STARD13: variants seen among roughly 807,000 people sequenced by gnomAD.
STARD13 encodes the protein StAR related lipid transfer domain containing 13, also known as stAR-related lipid transfer protein 13.
A neutral mutation model predicts 106.4 loss-of-function variants in STARD13; 62 were observed. The observed-to-expected ratio is 0.58, with a 90% confidence interval of 0.48 to 0.72. STARD13 has a LOEUF of 0.72. Among genes scored for constraint, STARD13 ranks in the 30% least tolerant of loss-of-function variants. The pLI is 0.00. For missense variants in STARD13, 1,387 were observed against 1,424.0 expected, an observed-to-expected ratio of 0.97 and a Z score of 0.42; for synonymous variants, 565 against 553.0, an observed-to-expected ratio of 1.02 and a Z score of -0.31.
chr13:33,615,271 G>C, the STARD13 span, among the ~76,000 whole-genome samples: 1 of 152,122 alleles, frequency 6.6e-6, no homozygotes, highest in Non-Finnish European at 1.5e-5. Context: ...CCTAAGGCAA[G>C]GGTTGGGGAC....
At chr13:33,315,409 T>C (rs1893291139) in intron 1 of STARD13, among the ~76,000 whole-genome samples, 1 of 152,222 alleles carries the variant, frequency 6.6e-6, no homozygotes, top group Non-Finnish European at 1.5e-5. Context: ...CAGCTGTGAA[T>C]TTATTTGCAT....
chr13:33,139,898 A>T (rs1459630099), intron 4 of STARD13, among the ~76,000 whole-genome samples: 2 of 152,224 alleles, frequency 1.3e-5, no homozygotes, highest in African/African-American at 4.8e-5. Flanking sequence ...ATTGAGATTC[A>T]TAAGTAGGTG....
At chr13:33,127,868 T>A (rs1476825956) in intron 5 of STARD13, among the ~76,000 whole-genome samples, 1 of 101,906 alleles carries the variant, frequency 9.8e-6, no homozygotes, top group Non-Finnish European at 2.5e-5. Flanking sequence ...TGAGTGAGTG[T>A]GTGTGTGTGT....
intron 1 of STARD13, among the ~76,000 whole-genome samples, chr13:33,221,653 T>G (rs567861974): frequency 1.3e-5 from 2 of 152,284 alleles, no homozygotes; most frequent in South Asian, 4.1e-4. Flanking sequence ...ATAAGACTTG[T>G]GGATCCCAGT....
Position 33,105,489 on chromosome 13 carries a change from G to T in STARD13, c.*104C>A, listed in dbSNP as rs781509680. 3 of 786,388 alleles carry T rather than the reference G, an allele frequency of 3.8e-6. No individual in the cohort carries two copies. Among genetic ancestry groups the T allele is most frequent in the Admixed American group, 4.2e-5 (2 of 48,178 alleles). 48.7% of individuals were successfully genotyped at this position (786,388 alleles called of 1,614,324 possible). The stretch of plus-strand genomic sequence containing the variant: ...GTTTCCATTTTTAGGCATTAACCGC[G>T]TCCTTCAGTTCCTCTTTCTCTCGCT... On this transcript the variant is annotated 3_prime_UTR_variant, in exon 14 of 14. Coordinates refer to ENST00000336934, the MANE Select transcript of STARD13 (RefSeq NM_178006.4).
chr13:33,447,564 T>A, the STARD13 span, among the ~76,000 whole-genome samples: 1 of 152,220 alleles, frequency 6.6e-6, no homozygotes, highest in African/African-American at 2.4e-5. Flanking sequence ...CCTTACACGT[T>A]CCTCTGGAAA....
At chr13:33,606,007 A>G in the STARD13 span, among the ~76,000 whole-genome samples, 5 of 152,172 alleles carry the variant, frequency 3.3e-5, no homozygotes, top group South Asian at 2.1e-4. Flanking sequence ...CTCAACTGAA[A>G]AAAGGTGACA....
At chr13:33,230,728 A>G (rs886313304) in intron 1 of STARD13, among the ~76,000 whole-genome samples, 3 of 152,254 alleles carry the variant, frequency 2.0e-5, no homozygotes, top group African/African-American at 4.8e-5. Context: ...CCATTATGAC[A>G]CGTAAGGTCG....
Position 33,213,932 on chromosome 13 carries a change from T to A in STARD13, c.170-46310A>T, listed in dbSNP as rs549739862. Reference sequence around the variant, plus strand: ...ATGGGCATCAACAAGGAAGCTGCAGTATGGAAAGAACAAAGCCCCAGGTCA... The same window carrying A: ...ATGGGCATCAACAAGGAAGCTGCAGAATGGAAAGAACAAAGCCCCAGGTCA... On this transcript the variant is annotated intron_variant, in intron 1 of 13. Transcript: ENST00000336934. Among the ~76,000 whole-genome samples the A allele has an allele frequency of 8.5e-5, 13 of 152,318 alleles. No individual in the cohort carries two copies. In the South Asian group the frequency reaches 1.0e-3, roughly 12 times the overall value.
chr13:33,188,307 G>A (rs1885954217), intron 1 of STARD13: 1 of 152,188 alleles, frequency 6.6e-6, no homozygotes, highest in African/African-American at 2.4e-5. Context: ...ACACTTTAGG[G>A]ACAGGAACCT....
the STARD13 span, among the ~76,000 whole-genome samples, chr13:33,637,438 C>T: frequency 6.6e-6 from 1 of 152,148 alleles, no homozygotes; most frequent in South Asian, 2.1e-4. Context: ...TAAATGAGAA[C>T]AAAACTTGTC....
At position 33,242,489 on chromosome 13, in the gene STARD13, T is replaced by G. The variant is rs1448766295; in HGVS notation, c.169+42981A>C. Among the ~76,000 whole-genome samples, 7 of 152,324 alleles carry G rather than the reference T, an allele frequency of 4.6e-5. No homozygotes were observed. The East Asian group carries it at 1.4e-3, about 29-fold the overall frequency. On this transcript the variant is annotated intron_variant, in intron 1 of 13. Coordinates refer to ENST00000336934, the MANE Select transcript of STARD13 (RefSeq NM_178006.4). ...TCTCCGAAACATGTGCTGTGTCCAC[T>G]AAGGGTTAAATGGATTAAGGGCGGT...
At chr13:33,457,891 T>C in the STARD13 span, among the ~76,000 whole-genome samples, 1 of 152,166 alleles carries the variant, frequency 6.6e-6, no homozygotes, top group African/African-American at 2.4e-5. Flanking sequence ...AAGCATTTGG[T>C]ATATAGCAGT....
the STARD13 span, among the ~76,000 whole-genome samples, chr13:33,491,854 T>G: frequency 6.6e-6 from 1 of 152,184 alleles, no homozygotes; most frequent in South Asian, 2.1e-4. Context: ...TGATGACAAT[T>G]GAATGTTTTC....
chr13:33,178,307 G>A (rs945325357), intron 1 of STARD13, among the ~76,000 whole-genome samples: 2 of 152,046 alleles, frequency 1.3e-5, no homozygotes, highest in African/African-American at 4.8e-5. Context: ...ACTTTAAAAA[G>A]TATCTTCTTT....
At chr13:33,124,470 T>C (rs1281401474) in intron 7 of STARD13, among the ~76,000 whole-genome samples, 2 of 152,164 alleles carry the variant, frequency 1.3e-5, no homozygotes, top group Non-Finnish European at 2.9e-5. Flanking sequence ...CGGCACACTG[T>C]TTTTCATCTT....
the STARD13 span, among the ~76,000 whole-genome samples, chr13:33,512,067 C>T: frequency 6.6e-6 from 1 of 152,082 alleles, no homozygotes; most frequent in East Asian, 1.9e-4. Context: ...AGTAATGTGG[C>T]TTGGTATTTG....
chr13:33,631,879 G>A, the STARD13 span, among the ~76,000 whole-genome samples: 3 of 152,128 alleles, frequency 2.0e-5, no homozygotes, highest in African/African-American at 7.2e-5. Context: ...TTTGGTTACA[G>A]TAATGGGAAG....
chr13:33,433,290 A>T, the STARD13 span, among the ~76,000 whole-genome samples: 1 of 152,216 alleles, frequency 6.6e-6, no homozygotes, highest in Non-Finnish European at 1.5e-5. Flanking sequence ...CCTCTAGAAG[A>T]ACTGCTCCTA....
Sources: gnomAD v4.1 joint callset for allele counts (sites outside exome capture counted in the v4.1 genomes callset) on GRCh38, gnomAD v4.1.1 for gene constraint, MANE v1.5 for transcripts, NCBI Gene and HGNC (gene_info 2026-07-23, HGNC 2026-07-21) for gene names.